HDAC7: variants seen among roughly 807,000 people sequenced by gnomAD.
HDAC7 encodes histone deacetylase 7.
HDAC7 carries 26 observed loss-of-function variants against 115.5 expected under a neutral mutation model. The ratio of observed to expected loss-of-function variants is 0.23; its 90% CI spans 0.16 to 0.31. The LOEUF is 0.31. Among genes scored for constraint, HDAC7 ranks in the 10% least tolerant of loss-of-function variants. The pLI, the probability that HDAC7 is intolerant of heterozygous loss-of-function variation, is 1.00. For missense variants in HDAC7, 1,068 were observed against 1,329.0 expected (o/e 0.80, Z 3.05); for synonymous variants, 564 against 550.9 (o/e 1.02, Z -0.33).
chr12:47,784,223 G>T lies in HDAC7; in HGVS notation c.2792-6C>A. On this transcript the variant is annotated splice_polypyrimidine_tract_variant and splice_region_variant and intron_variant, in intron 24 of 25. Coordinates refer to ENST00000080059, the MANE Select transcript of HDAC7 (RefSeq NM_015401.5). ...CATGCAGCCCCAGTATTTACCTGGG[G>T]TAAGATGCCAGGTCAGAAAGGGTTG... The T allele has an allele frequency of 6.2e-7, 1 of 1,608,460 alleles. No individual in the cohort carries two copies.
chr12:47,805,990 T>TA (rs967645482), intron 1 of HDAC7, among the ~76,000 whole-genome samples: 4 of 152,134 alleles, frequency 2.6e-5, no homozygotes, highest in African/African-American at 7.2e-5. Context: ...TTGCAGATAC[T>TA]AAAAAAAATT....
At position 47,795,428 on chromosome 12, in the gene HDAC7, T is replaced by C. The variant is rs1417241297; in HGVS notation, c.1088-48A>G. 2 of 1,399,586 alleles carry C rather than the reference T, an allele frequency of 1.4e-6. No homozygotes were observed. The highest frequency in any genetic ancestry group is 1.9e-6 in the Non-Finnish European group (2 of 1,051,912). The allele number at this position is 1,399,586 out of a possible 1,614,324, so 86.7% of individuals were successfully genotyped here. A position where few individuals can be genotyped will look rare whatever the true frequency, so the allele number is the denominator to read the frequency against. ...ATAAGGAGGGAACCACAGGGAGCAA[T>C]GGAAGGAAGCGAGGGTATAGGGTGG... On this transcript the variant is annotated intron_variant, in intron 10 of 25. Coordinates refer to ENST00000080059, the MANE Select transcript of HDAC7 (RefSeq NM_015401.5). The surrounding 1 kb of genome is among the most constrained non-coding windows in gnomAD (Gnocchi z 4.3).
At chr12:47,785,704 G>C (rs1254335546) in intron 23 of HDAC7, 48 bp downstream of exon 23, 2 of 1,569,958 alleles carry the variant, frequency 1.3e-6, no homozygotes, top group Non-Finnish European at 1.7e-6. Flanking sequence ...CTGAGAGCCG[G>C]GCTTACCTGC....
rs1325159962 is a variant in HDAC7, at chr12:47,789,532, G to A, written c.2138C>T (p.Ser713Leu). The change falls in exon 18 of 26, where the codon TCA (serine) becomes TTA (leucine). Residue 713 changes from serine (S) to leucine (L), a missense_variant. By Grantham distance (145) the Ser-to-Leu change is moderately radical. Around this residue, in one of 6 missense-constraint regions of HDAC7, gnomAD observed 182 missense variants for 301.1 expected, o/e 0.60. Coordinates refer to ENST00000080059, the MANE Select transcript of HDAC7 (RefSeq NM_015401.5). ...VRPPGHHADH[S>L]TAMGFCFFNS... is the part of the protein sequence containing the mutation. ...CTTCCCTTAGCCTTACATGGCTGTT[G>A]AATGATCTGCATGGTGTCCTGGGGG... The A allele has an allele frequency of 6.2e-6, 10 of 1,614,080 alleles. No individual in the cohort carries two copies. The highest frequency in any genetic ancestry group is 7.6e-6 in the Non-Finnish European group (9 of 1,180,022).
At chr12:47,820,491 A>G (rs1381299823), upstream of HDAC7, 3 of 152,548 alleles carry the variant, frequency 2.0e-5, no homozygotes, top group East Asian at 5.8e-4. The surrounding 1 kb of genome is among the most constrained non-coding windows in gnomAD (Gnocchi z 4.3). Flanking sequence ...GCCTCAGGAA[A>G]GTTCCAGGAT....
Position 47,784,130 on chromosome 12 carries a change from T to A in HDAC7, c.2879A>T (p.Glu960Val). The change falls in exon 25 of 26, where the codon GAG becomes GTG. Residue 960 changes from glutamate to valine, a missense_variant. By Grantham distance (121) the Glu-to-Val change is moderately radical (BLOSUM62 -2). Coordinates refer to ENST00000080059, the MANE Select transcript of HDAC7 (RefSeq NM_015401.5). Reference sequence around the variant, plus strand: ...GAGGGACGCCAGTGCGGTCACTGCCTCCACTTCTTCTTTGTCAGCCCCTGG... The same window carrying A: ...GAGGGACGCCAGTGCGGTCACTGCCACCACTTCTTCTTTGTCAGCCCCTGG... Reference protein sequence around the residue: ...RVPGADKEEVEAVTALASLSV... With the variant: ...RVPGADKEEVVAVTALASLSV... 1.2e-6 allele frequency: 2 copies of A among 1,613,730 alleles called. No homozygotes were observed. Among genetic ancestry groups the A allele is most frequent in the Non-Finnish European group, 1.7e-6 (2 of 1,179,898 alleles).
intron 19 of HDAC7, 183 bp from the exon 20 acceptor site, chr12:47,788,347 C>T (rs922531279): frequency 4.9e-6 from 3 of 606,568 alleles, no homozygotes; most frequent in East Asian, 3.3e-5. Flanking sequence ...CTCTGAACCT[C>T]GGCCTCTCTG....
chr12:47,806,063 T>C (rs1240866685), intron 1 of HDAC7, among the ~76,000 whole-genome samples: 1 of 152,276 alleles, frequency 6.6e-6, no homozygotes, highest in Non-Finnish European at 1.5e-5. Context: ...AGAACTTCCC[T>C]GGAAGCCGCC....
chr12:47,804,066 A>C (rs1166884667), intron 1 of HDAC7, among the ~76,000 whole-genome samples: 1 of 152,144 alleles, frequency 6.6e-6, no homozygotes, highest in Non-Finnish European at 1.5e-5. Context: ...CTCCCCTGGT[A>C]ACCACAGATT....
At position 47,794,675 on chromosome 12, in the gene HDAC7, C is replaced by T. The variant is rs1592652727; in HGVS notation, c.1458+85G>A. The T allele has an allele frequency of 1.1e-5, 15 of 1,359,476 alleles. No individual in the cohort carries two copies. In the South Asian group the frequency reaches 1.3e-4, roughly 12 times the overall value. 84.2% of individuals were successfully genotyped at this position (1,359,476 alleles called of 1,614,324 possible). ...CTAGAGCTGCCTGTTGCACTGATGTCGTATCTCCCTCCCTTCCCCATCTTA... is the reference window on the plus strand; with the variant it reads ...CTAGAGCTGCCTGTTGCACTGATGTTGTATCTCCCTCCCTTCCCCATCTTA... On this transcript the variant is annotated intron_variant, in intron 12 of 25. Coordinates refer to ENST00000080059, the MANE Select transcript of HDAC7 (RefSeq NM_015401.5).
At position 47,797,343 on chromosome 12, in the gene HDAC7, C is replaced by A. The variant is rs533738328; in HGVS notation, c.577+41G>T. ...CTCCCCCATGTCCGAGGCCCTTCCCCCTTCCTTTGCCTGAAAGGTCCGCCT... is the reference window on the plus strand; with the variant it reads ...CTCCCCCATGTCCGAGGCCCTTCCCACTTCCTTTGCCTGAAAGGTCCGCCT... On this transcript the variant is annotated intron_variant, in intron 6 of 25. Transcript: ENST00000080059. The surrounding 1 kb of genome is among the most constrained non-coding windows in gnomAD (Gnocchi z 5.5). 15 of 1,581,094 alleles carry A rather than the reference C, an allele frequency of 9.5e-6. No homozygotes were observed. The South Asian group carries it at 1.2e-4, about 13-fold the overall frequency.
Position 47,815,296 on chromosome 12 carries a change from G to A in HDAC7, c.19+4471C>T, listed in dbSNP as rs185083450. ...TTAGCACCAGCCCAATCGGGTCCAC[G>A]TCATCACAAAGTGTAGTTATGAGCA... On this transcript the variant is annotated intron_variant, in intron 1 of 25. Coordinates refer to ENST00000080059, the MANE Select transcript of HDAC7 (RefSeq NM_015401.5). Among the ~76,000 whole-genome samples the A allele has an allele frequency of 1.3e-3, 191 of 152,248 alleles. 1 individual carries two copies. Among genetic ancestry groups the A allele is most frequent in the African/African-American group, 4.4e-3 (184 of 41,538 alleles).
intron 1 of HDAC7, among the ~76,000 whole-genome samples, chr12:47,813,980 C>T (rs1034340194): frequency 2.0e-5 from 3 of 152,340 alleles, no homozygotes; most frequent in Middle Eastern, 3.4e-3. Flanking sequence ...GAACCTGACA[C>T]CCAAGTTGCT....
At chr12:47,785,644 T>C (rs1015156591) in intron 23 of HDAC7, 108 bp downstream of exon 23, 26 of 1,439,748 alleles carry the variant, frequency 1.8e-5, no homozygotes, top group Admixed American at 1.3e-4. Context: ...TGTTTCAGGC[T>C]TGGCCACTCC....
At position 47,809,057 on chromosome 12, in the gene HDAC7, C is replaced by T. The variant is rs540205503; in HGVS notation, c.20-6783G>A. Among the ~76,000 whole-genome samples, 59 of 152,314 alleles carry T rather than the reference C, an allele frequency of 3.9e-4. No individual in the cohort carries two copies. In the South Asian group the frequency reaches 0.011, roughly 29 times the overall value. On this transcript the variant is annotated intron_variant, in intron 1 of 25. Transcript: ENST00000080059. ...AGTTTCTGCCTTCATCTCTCCCCTT[C>T]GCCTTTACCCCTCTGGTGCCCCACT...
intron 13 of HDAC7, 30 bp from the exon 14 acceptor site, chr12:47,792,034 CA>C: frequency 6.3e-7 from 1 of 1,579,076 alleles, no homozygotes. Context: ...AGCGGGGACC[CA>C]GGGAGTCCTC....
chr12:47,818,007 C>G (rs1944896503), intron 1 of HDAC7: 1 of 152,288 alleles, frequency 6.6e-6, no homozygotes, highest in African/African-American at 2.4e-5. Context: ...ACAGTACCTT[C>G]ATTCTCCTCT....
chr12:47,783,628 C>T lies in HDAC7; in HGVS notation c.*213G>A. 2 of 600,590 alleles carry T rather than the reference C, an allele frequency of 3.3e-6. No individual in the cohort carries two copies. The highest frequency in any genetic ancestry group is 2.9e-5 in the East Asian group (1 of 34,546). 37.2% of individuals were successfully genotyped at this position (600,590 alleles called of 1,614,324 possible). A position where few individuals can be genotyped will look rare whatever the true frequency, so the allele number is the denominator to read the frequency against. On this transcript the variant is annotated 3_prime_UTR_variant, in exon 26 of 26. Transcript: ENST00000080059. ...GAGCCCTGTGGGGGTCGCCGCCCAG[C>T]CCGTCTCCTCTCAGGGTCCTCTCCA... is the stretch of plus-strand genomic sequence containing the variant.
chr12:47,799,045 C>T, intron 2 of HDAC7, 73 bp from the exon 3 acceptor site: 2 of 1,027,372 alleles, frequency 1.9e-6, no homozygotes, highest in South Asian at 3.8e-5. Context: ...CTGATCCCCC[C>T]TCAGCCTCCC....
Sources: gnomAD v4.1 joint callset for allele counts (sites outside exome capture counted in the v4.1 genomes callset) on GRCh38, gnomAD v4.1.1 for gene constraint, gnomAD v4.1.1 regional missense constraint, Gnocchi (gnomAD v3.1) non-coding constraint, MANE v1.5 for transcripts, NCBI Gene and HGNC (gene_info 2026-07-23, HGNC 2026-07-21) for gene names.